Variants in CRPPA observed in about 807,000 individuals in gnomAD.
CRPPA encodes the protein CDP-L-ribitol pyrophosphorylase A.
Under a neutral mutation model 52.0 loss-of-function variants are expected in CRPPA, and 43 were observed. That is an observed-to-expected ratio of 0.83 (90% confidence interval 0.65 to 1.07). The LOEUF (loss-of-function observed/expected upper bound fraction) is 1.07, where lower values mean the gene tolerates loss of function less well. Among genes scored for constraint, CRPPA ranks in the 50% least tolerant of loss-of-function variants. The probability of loss-of-function intolerance (pLI) is 0.00; values close to 1 mark genes in which losing one functional copy is unlikely to be tolerated. For missense variants in CRPPA, 629 were observed against 551.7 expected (o/e 1.14, Z -1.40); for synonymous variants, 250 against 203.5 (o/e 1.23, Z -1.94).
At chr7:16,378,279 G>C (rs1786960259) in intron 2 of CRPPA, among the ~76,000 whole-genome samples, 2 of 96,240 alleles carry the variant, frequency 2.1e-5, no homozygotes, top group African/African-American at 8.9e-5. Flanking sequence ...CCCCACAACA[G>C]ACCCCAGAGT....
chr7:16,232,021 G>T (rs1346770300), intron 8 of CRPPA, among the ~76,000 whole-genome samples: 1 of 152,134 alleles, frequency 6.6e-6, no homozygotes, highest in East Asian at 1.9e-4. Flanking sequence ...AGAGTCACAG[G>T]TAGAGTACCA....
rs192167227 is a variant in CRPPA, at chr7:16,173,297, A to G, written c.1251+42769T>C. On this transcript the variant is annotated intron_variant, in intron 9 of 9. Transcript: ENST00000407010. ...TATGCTAATTGGTATTCTGGAAAAA[A>G]GTATTCCATTGTTTTATGTTTGAGA... is the stretch of plus-strand genomic sequence containing the variant. Among the ~76,000 whole-genome samples the G allele has an allele frequency of 5.9e-5, 9 of 152,310 alleles. No individual in the cohort carries two copies. The East Asian group carries it at 1.5e-3, about 26-fold the overall frequency.
At chr7:16,316,824 T>C (rs1367051409) in intron 3 of CRPPA, among the ~76,000 whole-genome samples, 1 of 152,086 alleles carries the variant, frequency 6.6e-6, no homozygotes, top group Non-Finnish European at 1.5e-5. Flanking sequence ...ACCTCTGCAT[T>C]CCAACCTGGG....
intron 2 of CRPPA, among the ~76,000 whole-genome samples, chr7:16,402,836 A>G (rs1314273817): frequency 3.9e-5 from 6 of 152,166 alleles, no homozygotes; most frequent in Admixed American, 1.3e-4. Flanking sequence ...AGGTAAGGGG[A>G]AAAGAGTTGT....
intron 9 of CRPPA, among the ~76,000 whole-genome samples, chr7:16,135,722 C>T (rs1294561817): frequency 6.6e-6 from 1 of 152,166 alleles, no homozygotes; most frequent in South Asian, 2.1e-4. Context: ...ACAGCTCACA[C>T]AAATTATTGA....
chr7:16,217,832 G>T (rs1782373909), intron 8 of CRPPA, among the ~76,000 whole-genome samples: 1 of 151,874 alleles, frequency 6.6e-6, no homozygotes, highest in Admixed American at 6.6e-5. Flanking sequence ...ACCTGAAAGT[G>T]ACGGGGAGAA....
intron 3 of CRPPA, among the ~76,000 whole-genome samples, chr7:16,320,123 A>G (rs1785227870): frequency 6.6e-6 from 1 of 152,090 alleles, no homozygotes; most frequent in Non-Finnish European, 1.5e-5. Flanking sequence ...AGGATTTGTC[A>G]TTTTTAATCC....
chr7:16,214,778 T>C (rs1782259822), intron 9 of CRPPA, among the ~76,000 whole-genome samples: 2 of 152,156 alleles, frequency 1.3e-5, no homozygotes, highest in African/African-American at 2.4e-5. Context: ...CCCAAAGTGT[T>C]AGGATTACAG....
intron 9 of CRPPA, among the ~76,000 whole-genome samples, chr7:16,183,886 T>C (rs986838861): frequency 6.6e-6 from 1 of 152,144 alleles, no homozygotes; most frequent in African/African-American, 2.4e-5. Context: ...GCACTAATTT[T>C]AGTTTAAGGT....
intron 9 of CRPPA, among the ~76,000 whole-genome samples, chr7:16,129,649 T>C (rs1782645586): frequency 1.3e-5 from 2 of 152,116 alleles, no homozygotes; most frequent in Non-Finnish European, 2.9e-5. Flanking sequence ...AGCTGCTCAG[T>C]ACATATTTTA....
intron 1 of CRPPA, among the ~76,000 whole-genome samples, chr7:16,420,651 G>A (rs1042249356): frequency 6.6e-6 from 1 of 152,148 alleles, no homozygotes; most frequent in African/African-American, 2.4e-5. Context: ...ACGAACACAC[G>A]CCCTGGAAAC....
chr7:16,158,164 G>T (rs1343101790), intron 9 of CRPPA, among the ~76,000 whole-genome samples: 1 of 151,740 alleles, frequency 6.6e-6, no homozygotes, highest in Non-Finnish European at 1.5e-5. Flanking sequence ...GATTACAGGC[G>T]TGAGCCACCG....
chr7:16,307,455 G>T (rs1282925976), intron 4 of CRPPA, among the ~76,000 whole-genome samples: 6 of 151,996 alleles, frequency 3.9e-5, no homozygotes, highest in Non-Finnish European at 7.4e-5. Context: ...GCTGAGGCAG[G>T]CAGATAGCCT....
At chr7:16,203,313 T>C (rs1186851159) in intron 9 of CRPPA, among the ~76,000 whole-genome samples, 1 of 152,138 alleles carries the variant, frequency 6.6e-6, no homozygotes. Flanking sequence ...TTCTCGTTCA[T>C]GAAGTTTGGG....
rs114306661 is a variant in CRPPA, at chr7:16,118,032, T to G, written c.1252-26233A>C. Among the ~76,000 whole-genome samples the G allele has an allele frequency of 5.7e-3, 864 of 152,322 alleles. 9 individuals carry two copies. Among genetic ancestry groups the G allele is most frequent in the African/African-American group, 0.019 (792 of 41,584 alleles). ...ATTACATATCCCAAAATCATGCCAT[T>G]AAGATCATCCAACTAACTTCCTTTC... is the stretch of plus-strand genomic sequence containing the variant. On this transcript the variant is annotated intron_variant, in intron 9 of 9. Transcript: ENST00000407010.
intron 1 of CRPPA, among the ~76,000 whole-genome samples, chr7:16,413,356 C>T (rs1292100014): frequency 6.6e-6 from 1 of 152,186 alleles, no homozygotes; most frequent in African/African-American, 2.4e-5. Context: ...TAACACTGAC[C>T]TCTAATCATC....
At chr7:16,161,755 G>C (rs1021078687) in intron 9 of CRPPA, among the ~76,000 whole-genome samples, 13 of 152,200 alleles carry the variant, frequency 8.5e-5, no homozygotes, top group Admixed American at 7.2e-4. Context: ...GTTTCAGACA[G>C]AATGGTACCA....
chr7:16,143,441 G>A (rs1264864804), intron 9 of CRPPA, among the ~76,000 whole-genome samples: 1 of 152,218 alleles, frequency 6.6e-6, no homozygotes, highest in Non-Finnish European at 1.5e-5. Context: ...CCAAGGGTAA[G>A]TAGGATAATA....
chr7:16,183,968 G>A (rs1781458798), intron 9 of CRPPA, among the ~76,000 whole-genome samples: 1 of 152,004 alleles, frequency 6.6e-6, no homozygotes, highest in Non-Finnish European at 1.5e-5. Flanking sequence ...TTGAGACAGA[G>A]TTTTGCTCTG....
Sources: allele counts gnomAD v4.1 joint callset (sites outside exome capture counted in the v4.1 genomes callset), GRCh38; gene constraint gnomAD v4.1.1; transcripts MANE v1.5; gene names NCBI Gene and HGNC (gene_info 2026-07-23, HGNC 2026-07-21).